The following MED12L variants were observed in gnomAD, a reference collection of about 807,000 sequenced individuals.
MED12L encodes mediator of RNA polymerase II transcription subunit 12-like protein.
In MED12L, 60 loss-of-function variants were observed where a neutral mutation model predicts 281.3. The ratio of observed to expected loss-of-function variants is 0.21; its 90% CI spans 0.17 to 0.26. The LOEUF (loss-of-function observed/expected upper bound fraction) is 0.26. Among genes scored for constraint, MED12L ranks in the 10% least tolerant of loss-of-function variants. MED12L has a pLI of 1.00. For missense variants in MED12L, 2,146 were observed against 2,680.9 expected (o/e 0.80, Z 4.41); for synonymous variants, 974 against 987.2 (o/e 0.99, Z 0.25).
At chr3:151,091,786 T>C (rs1720080088) in intron 2 of MED12L, among the ~76,000 whole-genome samples, 1 of 152,190 alleles carries the variant, frequency 6.6e-6, no homozygotes, top group Non-Finnish European at 1.5e-5. Flanking sequence ...TCTGCAGTCA[T>C]TGCCTGCAGC....
chr3:151,097,397 A>G (rs1055531257), intron 2 of MED12L, among the ~76,000 whole-genome samples: 3 of 152,244 alleles, frequency 2.0e-5, no homozygotes, highest in African/African-American at 7.2e-5. Flanking sequence ...GTCATTCAGC[A>G]AATGACTGAG....
At chr3:151,403,661 A>G (rs949747196) in intron 39 of MED12L, among the ~76,000 whole-genome samples, 11 of 152,198 alleles carry the variant, frequency 7.2e-5, no homozygotes, top group Non-Finnish European at 1.2e-4. Context: ...TTTCTGTATC[A>G]GGTAGCCAAC....
At chr3:151,264,500 G>T (rs1243317426) in intron 16 of MED12L, among the ~76,000 whole-genome samples, 1 of 152,250 alleles carries the variant, frequency 6.6e-6, no homozygotes, top group Admixed American at 6.5e-5. Flanking sequence ...GTTTATGATT[G>T]TGTAAAGCGC....
chr3:151,206,430 TGTTATTGC>T (rs527889102), intron 16 of MED12L, among the ~76,000 whole-genome samples: 45 of 152,192 alleles, frequency 3.0e-4, no homozygotes, highest in African/African-American at 1.0e-3. Context: ...TTTTTGTTGA[TGTTATTGC>T]GTCAACATTT....
chr3:151,328,569 C>T, intron 16 of MED12L: 1 of 1,613,686 alleles, frequency 6.2e-7, no homozygotes, highest in Non-Finnish European at 8.5e-7. Flanking sequence ...AAGATTGAGA[C>T]CGTTTTTGCA....
At chr3:151,122,543 A>G (rs1339285888) in intron 3 of MED12L, among the ~76,000 whole-genome samples, 1 of 152,188 alleles carries the variant, frequency 6.6e-6, no homozygotes, top group Non-Finnish European at 1.5e-5. Context: ...AGAGATTTCC[A>G]AAGGCTCTCC....
At position 151,411,306 on chromosome 3, in the gene MED12L, G is replaced by A; in HGVS notation, c.5939G>A (p.Gly1980Glu). The A allele has an allele frequency of 6.2e-7, 1 of 1,614,196 alleles. No homozygotes were observed. The highest frequency in any genetic ancestry group is 1.1e-5 in the South Asian group (1 of 91,086). Residue 1980 changes from glycine to glutamate, a missense_variant, in exon 41 of 45, where the codon GGG (glycine) becomes GAG (glutamate). By Grantham distance (98) the Gly-to-Glu change is moderately conservative (BLOSUM62 -2). Coordinates refer to ENST00000687756, the MANE Select transcript of MED12L (RefSeq NM_001393769.1). ...QTMPQGYTMY[G>E]TQMPLQQTSQ... ...ATGCCACAGGGCTATACAATGTATG[G>A]GACACAGATGCCTTTGCAGCAGACA... is the stretch of plus-strand genomic sequence containing the variant.
chr3:151,406,510 T>C (rs1716326843), intron 39 of MED12L, among the ~76,000 whole-genome samples: 3 of 152,278 alleles, frequency 2.0e-5, no homozygotes, highest in African/African-American at 7.2e-5. Context: ...TGTTTGTGAT[T>C]TTCTCAGGGA....
chr3:151,278,681 A>C (rs1006566892), intron 16 of MED12L, among the ~76,000 whole-genome samples: 10 of 152,196 alleles, frequency 6.6e-5, no homozygotes, highest in Admixed American at 2.0e-4. Flanking sequence ...GCCATTGTCA[A>C]ATTCAACATG....
chr3:151,099,494 A>G (rs1209066913), intron 2 of MED12L, among the ~76,000 whole-genome samples: 1 of 152,234 alleles, frequency 6.6e-6, no homozygotes, highest in Non-Finnish European at 1.5e-5. Flanking sequence ...AAAAATAGTG[A>G]AAAAAGAGTG....
Position 151,289,094 on chromosome 3 carries a change from A to G in MED12L, c.2251-60965A>G, listed in dbSNP as rs186215589. Reference sequence around the variant, plus strand: ...TTCAGGAGAGAAATGAAAAGTGATAATATAGGAAGTGAAATTTGAATCACA... The same window carrying G: ...TTCAGGAGAGAAATGAAAAGTGATAGTATAGGAAGTGAAATTTGAATCACA... On this transcript the variant is annotated intron_variant, in intron 16 of 44. Coordinates refer to ENST00000687756, the MANE Select transcript of MED12L (RefSeq NM_001393769.1). Among the ~76,000 whole-genome samples the G allele has an allele frequency of 2.4e-3, 365 of 152,340 alleles. 3 individuals carry two copies. The highest frequency in any genetic ancestry group is 0.021 in the Admixed American group (326 of 15,300).
chr3:151,144,880 A>G (rs1472592384), intron 5 of MED12L, among the ~76,000 whole-genome samples: 100 of 152,128 alleles, frequency 6.6e-4, no homozygotes, highest in Admixed American at 6.5e-3. Context: ...ACCTACCTGC[A>G]GCGGTTGTCC....
chr3:151,122,221 C>T (rs1460798044), intron 3 of MED12L, among the ~76,000 whole-genome samples: 1 of 152,114 alleles, frequency 6.6e-6, no homozygotes, highest in Admixed American at 6.5e-5. Flanking sequence ...ATTGGCAGCC[C>T]AATAAAAAAT....
At chr3:151,363,559 G>A (rs1262015743) in intron 21 of MED12L, among the ~76,000 whole-genome samples, 1 of 152,146 alleles carries the variant, frequency 6.6e-6, no homozygotes, top group Non-Finnish European at 1.5e-5. Context: ...TCAAGAAACT[G>A]AAAATGTCAT....
chr3:151,190,692 C>A, intron 13 of MED12L, 25 bp from the exon 14 acceptor site: 1 of 1,607,582 alleles, frequency 6.2e-7, no homozygotes, highest in East Asian at 2.2e-5. Context: ...TCAAGGAATT[C>A]TTGATTGAAT....
rs147158947 is a variant in MED12L at position 151,132,849 on chromosome 3, A to G, written c.556+4865A>G. ...TTTTCAACTTTTAAAAGCAAATTAT[A>G]CAGTATATTTGAAAGCATTTGGCTG... On this transcript the variant is annotated intron_variant, in intron 5 of 44. Coordinates refer to ENST00000687756, the MANE Select transcript of MED12L (RefSeq NM_001393769.1). Among the ~76,000 whole-genome samples, 546 of 152,338 alleles carry G rather than the reference A, an allele frequency of 3.6e-3. 4 individuals carry two copies. Among genetic ancestry groups the G allele is most frequent in the African/African-American group, 0.013 (533 of 41,566 alleles).
intron 16 of MED12L, among the ~76,000 whole-genome samples, chr3:151,282,155 C>T (rs190960482): frequency 3.1e-4 from 47 of 152,334 alleles, no homozygotes; most frequent in African/African-American, 8.4e-4. Flanking sequence ...ACTAGCGCAT[C>T]CGGCCTCATC....
intron 32 of MED12L, 24 bp from the exon 33 acceptor site, chr3:151,382,632 G>A (rs376188249): frequency 1.3e-6 from 2 of 1,566,028 alleles, no homozygotes; most frequent in Admixed American, 1.8e-5. Flanking sequence ...AAACTTTAAT[G>A]GGGAGTTTTT....
chr3:151,267,848 A>G (rs1006077312), intron 16 of MED12L, among the ~76,000 whole-genome samples: 3 of 152,182 alleles, frequency 2.0e-5, no homozygotes, highest in Non-Finnish European at 4.4e-5. Flanking sequence ...GAATAATATC[A>G]AGGAAACAGC....
Sources: gnomAD v4.1 joint callset for allele counts (sites outside exome capture counted in the v4.1 genomes callset) on GRCh38, gnomAD v4.1.1 for gene constraint, MANE v1.5 for transcripts, NCBI Gene and HGNC (gene_info 2026-07-23, HGNC 2026-07-21) for gene names.